Variants in OGG1 observed in about 807,000 individuals in gnomAD.
OGG1 encodes the protein N-glycosylase/DNA lyase.
OGG1 carries 35 observed loss-of-function variants against 42.3 expected under a neutral mutation model. The ratio of observed to expected loss-of-function variants is 0.83; its 90% CI spans 0.63 to 1.10. The LOEUF is 1.10. Ranked by LOEUF, OGG1 falls within the 50% of genes least tolerant of loss-of-function variation. OGG1 has a pLI of 0.00. For synonymous variants in OGG1, 189 were observed against 179.0 expected, an observed-to-expected ratio of 1.06 and a Z score of -0.44; for missense variants, 484 against 446.7, an observed-to-expected ratio of 1.08 and a Z score of -0.75.
At chr3:9,753,182 T>G (rs2077380697) in intron 3 of OGG1, among the ~76,000 whole-genome samples, 1 of 151,716 alleles carries the variant, frequency 6.6e-6, no homozygotes, top group Non-Finnish European at 1.5e-5. Context: ...TGAAACCCGC[T>G]CTCTGCTAAA....
chr3:9,760,852 A>G (rs1398516201), downstream of OGG1: 9 of 1,584,984 alleles, frequency 5.7e-6, 1 homozygote, highest in African/African-American at 1.1e-4. Flanking sequence ...CTCAGGGGTC[A>G]GGCAGGAGCC....
chr3:9,787,102 A>C (rs752851731), intron 3 of OGG1: 20 of 1,614,224 alleles, frequency 1.2e-5, no homozygotes, highest in Non-Finnish European at 1.7e-5. Flanking sequence ...TCAGCAGGGC[A>C]TCCACATCTA....
At chr3:9,754,578 A>T in intron 3 of OGG1, 126 bp from the exon 4 acceptor site, 1 of 964,192 alleles carries the variant, frequency 1.0e-6, no homozygotes, top group South Asian at 1.4e-5. Flanking sequence ...TATCCCATAG[A>T]GGGTGGGGAG....
chr3:9,764,617 G>T (rs7430020), intron 7 of OGG1, among the ~76,000 whole-genome samples: 6,730 of 92,758 alleles, frequency 0.073, 721 homozygotes, highest in East Asian at 0.26. Flanking sequence ...TGGCGTTTTT[G>T]TTTTTTTTTT....
downstream of OGG1, chr3:9,759,348 T>G: frequency 6.5e-7 from 1 of 1,548,534 alleles, no homozygotes; most frequent in Non-Finnish European, 8.9e-7. Context: ...AAAGAGTGAA[T>G]GAATGAAGTC....
downstream of OGG1, chr3:9,761,959 A>G (rs761368031): frequency 1.0e-3 from 664 of 652,222 alleles, no homozygotes; most frequent in Non-Finnish European, 1.6e-3. Flanking sequence ...TGTGGGGGGG[A>G]ACTGTCTCTA....
chr3:9,782,036 C>T (rs1339853597), intron 3 of OGG1, among the ~76,000 whole-genome samples: 1 of 151,942 alleles, frequency 6.6e-6, no homozygotes, highest in African/African-American at 2.4e-5. Context: ...GGGGGTCTGA[C>T]TACATTGCCC....
downstream of OGG1, chr3:9,757,591 C>T (rs1307498314): frequency 1.2e-6 from 2 of 1,614,162 alleles, no homozygotes; most frequent in East Asian, 2.2e-5. The surrounding 1 kb of genome is among the most constrained non-coding windows in gnomAD (Gnocchi z 4.5). Flanking sequence ...CTCCACGCAG[C>T]AGTCTCGACA....
intron 2 of OGG1, among the ~76,000 whole-genome samples, chr3:9,772,018 A>C (rs2078308571): frequency 6.6e-6 from 1 of 151,710 alleles, no homozygotes; most frequent in Admixed American, 6.6e-5. Flanking sequence ...GGGTTTCACC[A>C]TGTTGGTCAG....
downstream of OGG1, chr3:9,761,603 C>T: frequency 6.2e-7 from 1 of 1,613,972 alleles, no homozygotes; most frequent in South Asian, 1.1e-5. Context: ...CCCCCACCAT[C>T]ACAGCCCCAG....
Position 9,764,615 on chromosome 3 carries a change from TTGTTTTTTTTTTG to T in OGG1, c.1049-1192_1049-1180del, listed in dbSNP as rs1188447222. The stretch of plus-strand genomic sequence containing the variant: ...GCGTGAGCCACTGCGCCTGGCGTTT[TTGTTTTTTTTTTG>T]TTTTTTTTTTTTTTTTTGAGATGGA... On this transcript the variant is annotated intron_variant, in intron 7 of 7. Coordinates refer to the OGG1 transcript ENST00000302008. Among the ~76,000 whole-genome samples the T allele has an allele frequency of 4.3e-4, 48 of 112,922 alleles. 1 individual carries two copies. The highest frequency in any genetic ancestry group is 3.4e-4 in the Non-Finnish European group (19 of 55,320). 74.1% of individuals were successfully genotyped at this position (112,922 alleles called of 152,430 possible).
At chr3:9,773,927 G>A (rs368985994) in intron 2 of OGG1, among the ~76,000 whole-genome samples, 14 of 151,920 alleles carry the variant, frequency 9.2e-5, no homozygotes, top group African/African-American at 3.4e-4. Flanking sequence ...GACTTCTCTG[G>A]AACTCTGGAA....
chr3:9,787,353 T>C (rs1389236230), intron 3 of OGG1: 3 of 1,601,616 alleles, frequency 1.9e-6, no homozygotes, highest in African/African-American at 1.3e-5. Flanking sequence ...GTGGAAAAGA[T>C]GGCACCCAAC....
intron 4 of OGG1, among the ~76,000 whole-genome samples, chr3:9,755,629 A>G (rs2077509868): frequency 1.3e-5 from 2 of 151,432 alleles, no homozygotes; most frequent in Admixed American, 1.3e-4. Context: ...ACACCCAGCT[A>G]ATTTTTGTAT....
chr3:9,784,682 T>C (rs1330401217), intron 3 of OGG1, among the ~76,000 whole-genome samples: 2 of 152,046 alleles, frequency 1.3e-5, no homozygotes, highest in East Asian at 3.9e-4. Flanking sequence ...CCGGCCAAGA[T>C]GGTGAAACCC....
At chr3:9,763,482 C>G (rs1302513874) in intron 7 of OGG1, among the ~76,000 whole-genome samples, 4 of 151,534 alleles carry the variant, frequency 2.6e-5, no homozygotes, top group African/African-American at 9.7e-5. Context: ...TGCCTACATA[C>G]CTGGGTAGGA....
chr3:9,757,919 A>C (rs2077662918), downstream of OGG1: 1 of 1,523,000 alleles, frequency 6.6e-7, no homozygotes. The surrounding 1 kb of genome is among the most constrained non-coding windows in gnomAD (Gnocchi z 4.5). Flanking sequence ...GCAGGGGCGC[A>C]GTGGGATTCT....
downstream of OGG1, among the ~76,000 whole-genome samples, chr3:9,770,440 A>G (rs950166594): frequency 2.2e-4 from 33 of 151,836 alleles, no homozygotes; most frequent in Non-Finnish European, 5.9e-5. Context: ...CAATGAAGAG[A>G]GTGGAGGTGG....
At chr3:9,762,891 C>A (rs1192589045) in intron 7 of OGG1, 1 of 1,613,328 alleles carries the variant, frequency 6.2e-7, no homozygotes, top group South Asian at 1.1e-5. Context: ...TACCCTAGCT[C>A]ACCACACCCC....
Sources: allele counts gnomAD v4.1 joint callset (sites outside exome capture counted in the v4.1 genomes callset), GRCh38; gene constraint gnomAD v4.1.1; non-coding constraint Gnocchi (gnomAD v3.1); transcripts MANE v1.5; gene names NCBI Gene and HGNC (gene_info 2026-07-23, HGNC 2026-07-21).